The following PIEZO2 variants were observed in gnomAD, a reference collection of about 807,000 sequenced individuals.
PIEZO2 encodes the protein piezo-type mechanosensitive ion channel component 2.
A neutral mutation model predicts 337.3 loss-of-function variants in PIEZO2; 172 were observed. That is an observed-to-expected ratio of 0.51 (90% CI 0.45 to 0.58). PIEZO2 has a LOEUF of 0.58. PIEZO2 is among the 20% of genes least tolerant of loss of function. PIEZO2 has a pLI of 0.00. For missense variants in PIEZO2, 3,028 were observed against 3,391.3 expected (o/e 0.89, Z 2.66); for synonymous variants, 1,251 against 1,228.5 (o/e 1.02, Z -0.38).
In PIEZO2 at chr18:10,672,984, A is replaced by G. The variant is rs2033846224; in HGVS notation, c.8162-111T>C. Reference sequence around the variant, plus strand: ...GTTACTAACTATAGCATAAGGTTCTAGGATGAAAAGGATGCATGGACATAC... The same window carrying G: ...GTTACTAACTATAGCATAAGGTTCTGGGATGAAAAGGATGCATGGACATAC... On this transcript the variant is annotated intron_variant, in intron 54 of 55. Coordinates refer to ENST00000674853, the MANE Select transcript of PIEZO2 (RefSeq NM_001378183.1). This position sits in a 1 kb window ranked among gnomAD's most constrained non-coding sequence, Gnocchi z 4.7. 1 of 807,392 alleles carries G rather than the reference A, an allele frequency of 1.2e-6. No homozygotes were observed. Among genetic ancestry groups the G allele is most frequent in the South Asian group, 1.8e-5 (1 of 55,912 alleles). 50.0% of individuals were successfully genotyped at this position (807,392 alleles called of 1,614,324 possible).
At chr18:10,734,564 T>C (rs1408480671) in intron 35 of PIEZO2, among the ~76,000 whole-genome samples, 1 of 152,230 alleles carries the variant, frequency 6.6e-6, no homozygotes. Flanking sequence ...TTCTATAAAA[T>C]GTAAGAATAG....
intron 20 of PIEZO2, among the ~76,000 whole-genome samples, chr18:10,771,481 G>A (rs2038602812): frequency 6.6e-6 from 1 of 152,206 alleles, no homozygotes; most frequent in Non-Finnish European, 1.5e-5. Context: ...AGCCTGTCTT[G>A]TTTGTAAACA....
rs1022463951 is a variant in PIEZO2, at chr18:11,143,097, A to G, written c.64+5428T>C. Among the ~76,000 whole-genome samples, 3 of 152,212 alleles carry G rather than the reference A, an allele frequency of 2.0e-5. No homozygotes were observed. The highest frequency in any genetic ancestry group is 4.4e-5 in the Non-Finnish European group (3 of 68,040). ...CCGTCTCAAAAAAAAGAAAAAAGAA[A>G]AAGAAAAAGTTTTCCAATATTTTTG... On this transcript the variant is annotated intron_variant, in intron 1 of 55. Transcript: ENST00000674853. This position sits in a 1 kb window ranked among gnomAD's most constrained non-coding sequence, Gnocchi z 4.9.
Position 11,126,456 on chromosome 18 carries a change from C to G in PIEZO2, c.64+22069G>C, listed in dbSNP as rs908072504. On this transcript the variant is annotated intron_variant, in intron 1 of 55. Transcript: ENST00000674853. This position sits in a 1 kb window ranked among gnomAD's most constrained non-coding sequence, Gnocchi z 4.6. ...GGTAAAGGGCACTCCTCACACAGTC[C>G]TCTTCCCACCTTTAGTGCCAGTTTC... Among the ~76,000 whole-genome samples, 1 of 152,134 alleles carries G rather than the reference C, an allele frequency of 6.6e-6. No homozygotes were observed. Among genetic ancestry groups the G allele is most frequent in the Non-Finnish European group, 1.5e-5 (1 of 68,026 alleles).
At chr18:11,122,206 C>G (rs536939963) in intron 1 of PIEZO2, among the ~76,000 whole-genome samples, 48 of 152,300 alleles carry the variant, frequency 3.2e-4, no homozygotes, top group African/African-American at 1.2e-3. Flanking sequence ...CCACCCGCCT[C>G]GGCCTCCCAA....
chr18:10,910,214 A>G (rs1308533953), intron 4 of PIEZO2, among the ~76,000 whole-genome samples: 1 of 152,190 alleles, frequency 6.6e-6, no homozygotes. Flanking sequence ...TGAAAATTTG[A>G]GATAAGATGC....
chr18:10,726,595 G>A lies in PIEZO2; in HGVS notation c.5029+4812C>T, dbSNP rs1358114453. The A allele has an allele frequency of 7.3e-6, 10 of 1,377,988 alleles. No homozygotes were observed. The highest frequency in any genetic ancestry group is 8.6e-6 in the Non-Finnish European group (9 of 1,046,288). 85.4% of individuals were successfully genotyped at this position (1,377,988 alleles called of 1,614,324 possible). A position where few individuals can be genotyped will look rare whatever the true frequency, so the allele number is the denominator to read the frequency against. On this transcript the variant is annotated intron_variant, in intron 36 of 55. Coordinates refer to ENST00000674853, the MANE Select transcript of PIEZO2 (RefSeq NM_001378183.1). This position sits in a 1 kb window ranked among gnomAD's most constrained non-coding sequence, Gnocchi z 5.9. ...CTTCCGCCAGCTCTTCCAGGACCTG[G>A]CGCGCTACGTGCGGGACGCCGACGT...
chr18:10,725,085 T>C (rs780763727), intron 36 of PIEZO2: 32 of 1,508,352 alleles, frequency 2.1e-5, no homozygotes, highest in Non-Finnish European at 2.7e-5. Flanking sequence ...ACAAGTTCTT[T>C]CAGTCGCATT....
chr18:10,748,642 G>A lies in PIEZO2; in HGVS notation c.4265-12C>T, dbSNP rs1331239386. The stretch of plus-strand genomic sequence containing the variant: ...TGAATTAGCAGCAGCTATAGTAACA[G>A]TAGAAAAACACACATTAAAATTAAC... On this transcript the variant is annotated splice_polypyrimidine_tract_variant and intron_variant, in intron 29 of 55. Coordinates refer to ENST00000674853, the MANE Select transcript of PIEZO2 (RefSeq NM_001378183.1). The surrounding 1 kb of genome is among the most constrained non-coding windows in gnomAD (Gnocchi z 5.1). 2 of 1,423,542 alleles carry A rather than the reference G, an allele frequency of 1.4e-6. No individual in the cohort carries two copies. The highest frequency in any genetic ancestry group is 1.8e-6 in the Non-Finnish European group (2 of 1,094,670). 88.2% of individuals were successfully genotyped at this position (1,423,542 alleles called of 1,614,324 possible).
intron 1 of PIEZO2, among the ~76,000 whole-genome samples, chr18:11,095,670 C>G (rs1228921793): frequency 6.6e-6 from 1 of 152,186 alleles, no homozygotes; most frequent in Non-Finnish European, 1.5e-5. Flanking sequence ...AATAAATAGG[C>G]ATATCCTGTT....
rs1007612208 is a variant in PIEZO2, at chr18:10,797,431, G to A, written c.1470C>T (p.Val490=). The A allele has an allele frequency of 2.9e-5, 45 of 1,537,026 alleles. No individual in the cohort carries two copies. The highest frequency in any genetic ancestry group is 3.7e-5 in the Non-Finnish European group (43 of 1,146,904). The change falls in exon 12 of 56, where the codon GTC becomes GTT. Residue 490 remains valine (V), a synonymous_variant. Coordinates refer to ENST00000674853, the MANE Select transcript of PIEZO2 (RefSeq NM_001378183.1). ...GTTTCATAATAAATTGGAATACGGA[G>A]ACCATGGCATGAACTTTGATACTTC... is the stretch of plus-strand genomic sequence containing the variant. The part of the protein sequence containing the change: ...EKRSIKVHAM[V]SVFQFIMKQS...
chr18:10,681,909 T>C (rs751458027), intron 50 of PIEZO2, among the ~76,000 whole-genome samples, 156 bp from the exon 51 acceptor site: 6 of 151,590 alleles, frequency 4.0e-5, no homozygotes, highest in Middle Eastern at 6.8e-3. Context: ...GGAGTGATTA[T>C]TCCCGTGCTC....
chr18:11,081,638 G>T (rs890153284), intron 1 of PIEZO2, among the ~76,000 whole-genome samples: 4 of 152,174 alleles, frequency 2.6e-5, no homozygotes. Flanking sequence ...ATGATCTGTG[G>T]GCCAGGCTTG....
intron 2 of PIEZO2, among the ~76,000 whole-genome samples, chr18:11,005,364 G>C (rs1042382691): frequency 1.3e-5 from 2 of 152,188 alleles, no homozygotes; most frequent in Non-Finnish European, 2.9e-5. Context: ...CTTTGCGTTT[G>C]TCTTTTATTT....
At chr18:10,860,250 T>A (rs779412790) in intron 5 of PIEZO2, among the ~76,000 whole-genome samples, 2 of 152,182 alleles carry the variant, frequency 1.3e-5, no homozygotes, top group African/African-American at 4.8e-5. Context: ...AATACAGAGA[T>A]GGCCCTCCTC....
intron 49 of PIEZO2, among the ~76,000 whole-genome samples, chr18:10,688,734 C>T (rs1019318069): frequency 7.2e-5 from 11 of 152,030 alleles, no homozygotes; most frequent in African/African-American, 2.4e-4. Flanking sequence ...CTACTTTAGA[C>T]CAAACAATCC....
chr18:10,741,181 T>C (rs1233978908), intron 32 of PIEZO2, 79 bp from the exon 33 acceptor site: 9 of 1,318,386 alleles, frequency 6.8e-6, no homozygotes, highest in Non-Finnish European at 9.2e-6. Context: ...AACAACTCAA[T>C]TGTCAAATCT....
Position 10,693,356 on chromosome 18 carries a change from T to TTGTGTGTGTGTGTGTGTGTGTGTGTG in PIEZO2, c.7191-1999_7191-1974dup, listed in dbSNP as rs1174582024. On this transcript the variant is annotated intron_variant, in intron 47 of 55. Coordinates refer to ENST00000674853, the MANE Select transcript of PIEZO2 (RefSeq NM_001378183.1). Reference sequence around the variant, plus strand: ...TGCTTCTTGCTTTCCAATCTGGATTTTGTGTGTGTGTGTGTGTGTGTGTGT... The same window carrying TTGTGTGTGTGTGTGTGTGTGTGTGTG: ...TGCTTCTTGCTTTCCAATCTGGATTTTGTGTGTGTGTGTGTGTGTGTGTGTGTGTGTGTGTGTGTGTGTGTGTGTGT... Among the ~76,000 whole-genome samples, 144 of 90,034 alleles carry TTGTGTGTGTGTGTGTGTGTGTGTGTG rather than the reference T, an allele frequency of 1.6e-3. 4 individuals are homozygous for TTGTGTGTGTGTGTGTGTGTGTGTGTG. Among genetic ancestry groups the TTGTGTGTGTGTGTGTGTGTGTGTGTG allele is most frequent in the Admixed American group, 0.014 (137 of 9,820 alleles). 59.1% of individuals were successfully genotyped at this position (90,034 alleles called of 152,430 possible). A position where few individuals can be genotyped will look rare whatever the true frequency, so the allele number is the denominator to read the frequency against.
chr18:10,887,467 C>T (rs1015887727), intron 4 of PIEZO2, among the ~76,000 whole-genome samples: 2 of 152,090 alleles, frequency 1.3e-5, no homozygotes, highest in African/African-American at 4.8e-5. Context: ...AAACACCTCC[C>T]ACCAGGCTCC....
Sources: gnomAD v4.1 joint callset for allele counts (sites outside exome capture counted in the v4.1 genomes callset) on GRCh38, gnomAD v4.1.1 for gene constraint, Gnocchi (gnomAD v3.1) non-coding constraint, MANE v1.5 for transcripts, NCBI Gene and HGNC (gene_info 2026-07-23, HGNC 2026-07-21) for gene names.